The following ZMAT3 variants were observed in gnomAD, a reference collection of about 807,000 sequenced individuals.
ZMAT3 encodes the protein zinc finger matrin-type 3, also known as zinc finger matrin-type protein 3.
A neutral mutation model predicts 32.3 loss-of-function variants in ZMAT3; 17 were observed. The ratio of observed to expected loss-of-function variants is 0.53; its 90% CI spans 0.36 to 0.79. The LOEUF (loss-of-function observed/expected upper bound fraction) is 0.79, where lower values mean the gene tolerates loss of function less well. ZMAT3 is among the 30% of genes least tolerant of loss of function. ZMAT3 has a pLI of 0.00. For synonymous variants in ZMAT3, 120 were observed against 133.1 expected (o/e 0.90, Z 0.68); for missense variants, 329 against 359.7 (o/e 0.91, Z 0.69).
At chr3:179,048,208 A>G (rs1576860639) in intron 2 of ZMAT3, among the ~76,000 whole-genome samples, 1 of 152,360 alleles carries the variant, frequency 6.6e-6, no homozygotes, top group South Asian at 2.1e-4. Context: ...CTGAGGAAGA[A>G]GAGAAATCTA....
At chr3:179,029,315 T>C (rs551094804) in intron 3 of ZMAT3, among the ~76,000 whole-genome samples, 2 of 152,134 alleles carry the variant, frequency 1.3e-5, no homozygotes, top group East Asian at 3.9e-4. Context: ...GGCCAATACC[T>C]CTAAGTCGCT....
intron 2 of ZMAT3, among the ~76,000 whole-genome samples, chr3:179,038,383 C>A (rs904779442): frequency 6.6e-6 from 1 of 152,022 alleles, no homozygotes; most frequent in African/African-American, 2.4e-5. Flanking sequence ...GACTTTGAGA[C>A]CAAACTGGGC....
rs1718364196 is a variant in ZMAT3, at chr3:179,018,077, A to C, written c.*6940T>G. ...CAGAACAATGACCAGCCACTCCAAA[A>C]GAGTTTTGTTCCTATACATGCCATA... is the stretch of plus-strand genomic sequence containing the variant. On this transcript the variant is annotated 3_prime_UTR_variant, in exon 6 of 6. Transcript: ENST00000311417. The C allele has an allele frequency of 6.6e-6, 1 of 152,160 alleles. No homozygotes were observed. The highest frequency in any genetic ancestry group is 2.1e-4 in the South Asian group (1 of 4,826). The allele number at this position is 152,160 out of a possible 1,614,324, so 9.4% of individuals were successfully genotyped here.
intron 2 of ZMAT3, among the ~76,000 whole-genome samples, chr3:179,042,355 G>A (rs544604196): frequency 2.2e-4 from 33 of 152,158 alleles, no homozygotes; most frequent in East Asian, 1.2e-3. Context: ...ATCCAGCAGC[G>A]TATCAAAAAG....
chr3:179,051,179 T>C (rs1157472369), intron 2 of ZMAT3, among the ~76,000 whole-genome samples: 1 of 152,064 alleles, frequency 6.6e-6, no homozygotes, highest in African/African-American at 2.4e-5. Flanking sequence ...TCCAAATCAA[T>C]AAAGAGGAAG....
rs1434975398 is a variant in ZMAT3 at position 179,054,683 on chromosome 3, C to T, written c.270+12800G>A. Among the ~76,000 whole-genome samples, 5 of 152,194 alleles carry T rather than the reference C, an allele frequency of 3.3e-5. No individual in the cohort carries two copies. The South Asian group carries it at 6.2e-4, about 19-fold the overall frequency. On this transcript the variant is annotated intron_variant, in intron 2 of 5. Coordinates refer to ENST00000311417, the MANE Select transcript of ZMAT3 (RefSeq NM_022470.4). Reference sequence around the variant, plus strand: ...ATCTTGCAACTGCATTCTTCTGGTCCGTGTTTGCTAAGGCTGGAGCAGAGC... The same window carrying T: ...ATCTTGCAACTGCATTCTTCTGGTCTGTGTTTGCTAAGGCTGGAGCAGAGC...
rs1560102437 is a variant in ZMAT3 at position 179,071,641 on chromosome 3, G to GGACGCCCGC, written c.-113_-105dup. The GGACGCCCGC allele has an allele frequency of 2.0e-5, 3 of 152,226 alleles. No homozygotes were observed. The highest frequency in any genetic ancestry group is 2.1e-4 in the South Asian group (1 of 4,798). 9.4% of individuals were successfully genotyped at this position (152,226 alleles called of 1,614,324 possible). On this transcript the variant is annotated 5_prime_UTR_variant, in exon 1 of 6. Coordinates refer to ENST00000311417, the MANE Select transcript of ZMAT3 (RefSeq NM_022470.4). Reference sequence around the variant, plus strand: ...GCAGTCTCCGCGCCGCGTCCGCCCGGGACGCCCGCGACGCCCGCCCTGCGC... The same window carrying GGACGCCCGC: ...GCAGTCTCCGCGCCGCGTCCGCCCGGGACGCCCGCGACGCCCGCGACGCCCGCCCTGCGC...
intron 2 of ZMAT3, among the ~76,000 whole-genome samples, chr3:179,034,290 G>T (rs922051551): frequency 1.3e-5 from 2 of 152,104 alleles, no homozygotes; most frequent in African/African-American, 4.8e-5. Flanking sequence ...TACCCTAAAG[G>T]TGCTTTTACC....
intron 2 of ZMAT3, among the ~76,000 whole-genome samples, chr3:179,054,585 A>T (rs765223111): frequency 6.6e-6 from 1 of 152,238 alleles, no homozygotes; most frequent in East Asian, 1.9e-4. Context: ...AAAAAATTCA[A>T]TATGAGGCTA....
intron 5 of ZMAT3, 46 bp from the exon 6 acceptor site, chr3:179,025,274 G>T: frequency 6.9e-7 from 1 of 1,452,818 alleles, no homozygotes; most frequent in South Asian, 1.2e-5. Flanking sequence ...TTCATTAAGT[G>T]AATGACAACC....
chr3:179,050,044 C>T (rs1268500523), intron 2 of ZMAT3, among the ~76,000 whole-genome samples: 2 of 72,918 alleles, frequency 2.7e-5, no homozygotes, highest in Admixed American at 1.4e-4. Context: ...CACAAATAGA[C>T]AATGTAAGGT....
chr3:179,050,924 C>T (rs1375356689), intron 2 of ZMAT3, among the ~76,000 whole-genome samples: 1 of 152,152 alleles, frequency 6.6e-6, no homozygotes, highest in African/African-American at 2.4e-5. Context: ...AAGCATTTGA[C>T]AAAATCTAGC....
In ZMAT3 at chr3:179,023,722, T is replaced by A. The variant is rs369179470; in HGVS notation, c.*1295A>T. ...TATATATATATATATTTTTTTTTTT[T>A]TTTTTTTTTTTTTTTTGAGACGGAG... is the stretch of plus-strand genomic sequence containing the variant. On this transcript the variant is annotated 3_prime_UTR_variant, in exon 6 of 6. Transcript: ENST00000311417. 10 of 21,660 alleles carry A rather than the reference T, an allele frequency of 4.6e-4. 2 individuals are homozygous for A. The highest frequency in any genetic ancestry group is 1.8e-3 in the South Asian group (1 of 556). The allele number at this position is 21,660 out of a possible 1,614,324, so 1.3% of individuals were successfully genotyped here.
At chr3:179,051,705 A>C (rs1043546012) in intron 2 of ZMAT3, among the ~76,000 whole-genome samples, 2 of 152,216 alleles carry the variant, frequency 1.3e-5, no homozygotes, top group African/African-American at 4.8e-5. Flanking sequence ...ACCAAAAAAG[A>C]GCCTGCATAG....
At chr3:179,033,363 G>A (rs192402661) in intron 2 of ZMAT3, among the ~76,000 whole-genome samples, 2 of 152,104 alleles carry the variant, frequency 1.3e-5, no homozygotes, top group Non-Finnish European at 2.9e-5. Flanking sequence ...GGCGGAAGGC[G>A]GCAGGGCCCT....
At chr3:179,066,237 A>C (rs1016503217) in intron 2 of ZMAT3, among the ~76,000 whole-genome samples, 1 of 152,186 alleles carries the variant, frequency 6.6e-6, no homozygotes, top group Non-Finnish European at 1.5e-5. Flanking sequence ...GAAAACGTAA[A>C]AATAAAACCA....
At position 179,024,736 on chromosome 3, in the gene ZMAT3, A is replaced by G. The variant is rs2108532207; in HGVS notation, c.*281T>C. ...TTGACCAGAACTTGAGCAAGATAAA[A>G]AGTTATTTCTGATGGGGTAGGTAGG... On this transcript the variant is annotated 3_prime_UTR_variant, in exon 6 of 6. Coordinates refer to ENST00000311417, the MANE Select transcript of ZMAT3 (RefSeq NM_022470.4). The G allele has an allele frequency of 3.0e-6, 1 of 336,300 alleles. No individual in the cohort carries two copies. Among genetic ancestry groups the G allele is most frequent in the South Asian group, 5.5e-5 (1 of 18,208 alleles). The allele number at this position is 336,300 out of a possible 1,614,324, so 20.8% of individuals were successfully genotyped here. A position where few individuals can be genotyped will look rare whatever the true frequency, so the allele number is the denominator to read the frequency against.
At chr3:179,066,901 T>C (rs1426723987) in intron 2 of ZMAT3, among the ~76,000 whole-genome samples, 1 of 152,230 alleles carries the variant, frequency 6.6e-6, no homozygotes, top group African/African-American at 2.4e-5. Context: ...AGTATGTTTA[T>C]TATGAATGAA....
Position 179,027,639 on chromosome 3 carries a change from T to C in ZMAT3, c.557+7A>G. 6.2e-7 allele frequency: 1 copy of C among 1,614,068 alleles called. No homozygotes were observed. The highest frequency in any genetic ancestry group is 8.5e-7 in the Non-Finnish European group (1 of 1,179,974). On this transcript the variant is annotated splice_region_variant and intron_variant, in intron 4 of 5. Transcript: ENST00000311417. ...ACTTTGGCCTCAGAGAAAATGGCAA[T>C]ACCTACGAGAATGAGTTACTCTGAG...
Sources: gnomAD v4.1 joint callset for allele counts (sites outside exome capture counted in the v4.1 genomes callset) on GRCh38, gnomAD v4.1.1 for gene constraint, MANE v1.5 for transcripts, NCBI Gene and HGNC (gene_info 2026-07-23, HGNC 2026-07-21) for gene names.